Variants in CAMTA1 observed in about 807,000 individuals in gnomAD.
CAMTA1 encodes calmodulin binding transcription activator 1, also known as calmodulin-binding transcription activator 1.
Under a neutral mutation model 170.9 loss-of-function variants are expected in CAMTA1, and 27 were observed. The observed-to-expected ratio is 0.16, with a 90% CI of 0.12 to 0.22. The LOEUF is 0.22. Ranked by LOEUF, CAMTA1 falls within the 10% of genes least tolerant of loss-of-function variation. The probability of loss-of-function intolerance (pLI) is 1.00; values close to 1 mark genes in which losing one functional copy is unlikely to be tolerated. For missense variants in CAMTA1, 1,619 were observed against 2,217.2 expected (o/e 0.73, Z 5.42); for synonymous variants, 833 against 891.5 (o/e 0.93, Z 1.17).
At chr1:7,597,960 G>C (rs1453955308) in intron 6 of CAMTA1, among the ~76,000 whole-genome samples, 2 of 149,774 alleles carry the variant, frequency 1.3e-5, no homozygotes, top group African/African-American at 4.9e-5. Flanking sequence ...TATACTTTAA[G>C]TTTTAGGGTA....
intron 11 of CAMTA1, among the ~76,000 whole-genome samples, chr1:7,728,881 T>G (rs1400765762): frequency 6.6e-6 from 1 of 152,094 alleles, no homozygotes; most frequent in Non-Finnish European, 1.5e-5. Flanking sequence ...GGTCACAGGA[T>G]GAGAACGGCC....
At chr1:6,860,684 C>A (rs528525467) in intron 3 of CAMTA1, among the ~76,000 whole-genome samples, 26 of 152,102 alleles carry the variant, frequency 1.7e-4, no homozygotes, top group African/African-American at 5.8e-4. Context: ...TCGAGGTGGG[C>A]GGATTACTTG....
intron 6 of CAMTA1, among the ~76,000 whole-genome samples, chr1:7,518,717 G>A (rs1266167095): frequency 1.3e-5 from 2 of 152,002 alleles, no homozygotes; most frequent in Non-Finnish European, 2.9e-5. Context: ...CTCCTGGAAA[G>A]GAAGGTGCCC....
intron 3 of CAMTA1, among the ~76,000 whole-genome samples, chr1:7,026,794 C>A (rs988093971): frequency 6.6e-6 from 1 of 151,998 alleles, no homozygotes; most frequent in Non-Finnish European, 1.5e-5. Context: ...CCACATCCAG[C>A]TAATTTTTCT....
At chr1:7,243,301 G>T (rs1240404713) in intron 4 of CAMTA1, among the ~76,000 whole-genome samples, 1 of 152,132 alleles carries the variant, frequency 6.6e-6, no homozygotes, top group Non-Finnish European at 1.5e-5. Flanking sequence ...GATTCTCATT[G>T]TTATGACTTC....
chr1:6,818,592 C>G (rs1055687163), intron 1 of CAMTA1, among the ~76,000 whole-genome samples: 2 of 152,092 alleles, frequency 1.3e-5, no homozygotes, highest in Non-Finnish European at 2.9e-5. Flanking sequence ...AATTACTTTC[C>G]TAAGGACAGC....
At chr1:7,421,834 C>A (rs12402389) in intron 5 of CAMTA1, among the ~76,000 whole-genome samples, 1 of 152,176 alleles carries the variant, frequency 6.6e-6, no homozygotes, top group Non-Finnish European at 1.5e-5. Flanking sequence ...ACCATACCCT[C>A]CTGCAGGCCC....
intron 11 of CAMTA1, among the ~76,000 whole-genome samples, chr1:7,691,755 A>G (rs998287388): frequency 1.3e-5 from 2 of 152,160 alleles, no homozygotes; most frequent in Non-Finnish European, 2.9e-5. Flanking sequence ...AGCGAGAGAG[A>G]GAGAGAAAGA....
intron 4 of CAMTA1, among the ~76,000 whole-genome samples, chr1:7,145,643 C>T (rs774811368): frequency 4.6e-5 from 7 of 152,038 alleles, no homozygotes; most frequent in Non-Finnish European, 5.9e-5. Context: ...GCTTAGTGTC[C>T]GGAACCCTGG....
chr1:7,219,438 A>G (rs1282802806), intron 4 of CAMTA1: 2 of 148,440 alleles, frequency 1.3e-5, no homozygotes, highest in Non-Finnish European at 3.0e-5. Context: ...TGTGCGCCAG[A>G]TGTGTTGACC....
intron 4 of CAMTA1, among the ~76,000 whole-genome samples, chr1:7,145,592 CTCTG>C (rs781745610): frequency 4.6e-5 from 7 of 152,184 alleles, no homozygotes; most frequent in Admixed American, 1.3e-4. Flanking sequence ...CTTCCCTCGT[CTCTG>C]TCTGTGTAGG....
At chr1:7,178,499 T>C (rs867172362) in intron 4 of CAMTA1, among the ~76,000 whole-genome samples, 1 of 152,232 alleles carries the variant, frequency 6.6e-6, no homozygotes, top group African/African-American at 2.4e-5. Context: ...CCCAGCCCGC[T>C]GATTAACCCC....
chr1:7,606,377 ACTCCCTCT>A (rs2095486837), intron 6 of CAMTA1, among the ~76,000 whole-genome samples: 2 of 151,522 alleles, frequency 1.3e-5, no homozygotes, highest in Non-Finnish European at 2.9e-5. Context: ...AATGTGTGAC[ACTCCCTCT>A]AGAGGCTCAG....
At chr1:7,747,217 G>A (rs886505023) in intron 18 of CAMTA1, among the ~76,000 whole-genome samples, 1 of 152,158 alleles carries the variant, frequency 6.6e-6, no homozygotes, top group Non-Finnish European at 1.5e-5. Flanking sequence ...TTCAACTGGA[G>A]GCCTGGGGGC....
intron 4 of CAMTA1, among the ~76,000 whole-genome samples, chr1:7,188,150 T>C (rs1218315349): frequency 6.6e-6 from 1 of 152,078 alleles, no homozygotes; most frequent in Admixed American, 6.6e-5. Flanking sequence ...GACAACAGCA[T>C]GGTGGGGGGA....
At chr1:7,414,011 T>G (rs1327784283) in intron 5 of CAMTA1, among the ~76,000 whole-genome samples, 3 of 152,258 alleles carry the variant, frequency 2.0e-5, no homozygotes, top group Non-Finnish European at 2.9e-5. Flanking sequence ...TCTATTGAGA[T>G]AATCATGTGG....
intron 11 of CAMTA1, among the ~76,000 whole-genome samples, chr1:7,715,824 G>A (rs568074454): frequency 1.2e-4 from 19 of 152,268 alleles, no homozygotes; most frequent in African/African-American, 3.6e-4. Context: ...ATTCTGATGT[G>A]GCATAAGGAG....
chr1:6,880,156 C>T (rs1043525635), intron 3 of CAMTA1, among the ~76,000 whole-genome samples: 2 of 151,712 alleles, frequency 1.3e-5, no homozygotes, highest in African/African-American at 4.8e-5. Flanking sequence ...TTCAGTGGCA[C>T]GATGATCATC....
chr1:7,048,099 G>C (rs1219347256), intron 3 of CAMTA1, among the ~76,000 whole-genome samples: 2 of 152,158 alleles, frequency 1.3e-5, no homozygotes, highest in Non-Finnish European at 2.9e-5. Flanking sequence ...GGCGAGGGGA[G>C]GGGGGTGGTC....
Sources: gnomAD v4.1 joint callset for allele counts (sites outside exome capture counted in the v4.1 genomes callset) on GRCh38, gnomAD v4.1.1 for gene constraint, MANE v1.5 for transcripts, NCBI Gene and HGNC (gene_info 2026-07-23, HGNC 2026-07-21) for gene names.